GPR141: variants seen among roughly 807,000 people sequenced by gnomAD.
GPR141 encodes the protein G protein-coupled receptor 141.
In GPR141, 6 loss-of-function variants were observed where a neutral mutation model predicts 6.8. That is an observed-to-expected ratio of 0.88 (90% CI 0.48 to 1.74). The LOEUF is 1.74. Among genes scored for constraint, GPR141 ranks in the 40% most tolerant of loss-of-function variants. The pLI is 0.01. For missense variants in GPR141, 372 were observed against 372.9 expected (o/e 1.00, Z 0.02); for synonymous variants, 140 against 142.3 (o/e 0.98, Z 0.11).
chr7:37,692,122 T>G (rs1162119465), intron 2 of GPR141, among the ~76,000 whole-genome samples: 4 of 152,132 alleles, frequency 2.6e-5, no homozygotes. Flanking sequence ...TATTAGGTAT[T>G]TCTCCTAACG....
chr7:37,740,738 C>A lies in GPR141; in HGVS notation c.345C>A (p.Leu115=), dbSNP rs368741287. ...TGGTGATCCTGGTCACCAGATACCTCATCTTCTTCAAGTGCAAAGACAAAG... is the reference window on the plus strand; with the variant it reads ...TGGTGATCCTGGTCACCAGATACCTAATCTTCTTCAAGTGCAAAGACAAAG... ...FYVVILVTRY[L]IFFKCKDKVE... Residue 115 remains leucine (L), a synonymous_variant, in exon 3 of 3, where the codon CTC becomes CTA. Transcript: ENST00000334425. The A allele has an allele frequency of 2.7e-5, 44 of 1,613,966 alleles. No individual in the cohort carries two copies. Among genetic ancestry groups the A allele is most frequent in the Non-Finnish European group, 3.7e-5 (44 of 1,179,932 alleles).
intron 2 of GPR141, among the ~76,000 whole-genome samples, chr7:37,689,253 G>A (rs896067171): frequency 2.0e-5 from 3 of 152,034 alleles, no homozygotes; most frequent in Non-Finnish European, 4.4e-5. Flanking sequence ...TTTGGTCATG[G>A]TGAATAATCT....
At chr7:37,698,403 C>A (rs1160138929) in intron 2 of GPR141, among the ~76,000 whole-genome samples, 1 of 152,130 alleles carries the variant, frequency 6.6e-6, no homozygotes, top group Admixed American at 6.5e-5. Flanking sequence ...TTCCATCAGT[C>A]AACGATTTTC....
chr7:37,741,245 C>T lies in GPR141; in HGVS notation c.852C>T (p.Val284=), dbSNP rs751289202. The T allele has an allele frequency of 3.1e-6, 5 of 1,611,494 alleles. No homozygotes were observed. The African/African-American group carries it at 4.0e-5, about 13-fold the overall frequency. Reference sequence around the variant, plus strand: ...GCTGCTATGATTTGCTTCTCTTTGTCTTTGGGGGAAGCCATTGGTTTAAGC... The same window carrying T: ...GCTGCTATGATTTGCTTCTCTTTGTTTTTGGGGGAAGCCATTGGTTTAAGC... The part of the protein sequence containing the change: ...AISCYDLLLF[V]FGGSHWFKQK... The change falls in exon 3 of 3, where the codon GTC becomes GTT. Residue 284 remains valine (V), a synonymous_variant. Transcript: ENST00000334425.
At chr7:37,702,834 T>TA (rs199997620) in intron 2 of GPR141, among the ~76,000 whole-genome samples, 40 of 138,232 alleles carry the variant, frequency 2.9e-4, no homozygotes, top group Admixed American at 7.1e-4. Flanking sequence ...AAATAAAAAT[T>TA]AAAAAAAAAA....
intron 2 of GPR141, among the ~76,000 whole-genome samples, chr7:37,734,201 AATT>A (rs773465716): frequency 1.2e-4 from 19 of 152,276 alleles, no homozygotes; most frequent in East Asian, 3.9e-4. Context: ...AATCAATATT[AATT>A]ATTATGTTGT....
chr7:37,698,457 T>G (rs1285600534), intron 2 of GPR141, among the ~76,000 whole-genome samples: 2 of 152,134 alleles, frequency 1.3e-5, no homozygotes, highest in Non-Finnish European at 2.9e-5. Flanking sequence ...TATGACTCAT[T>G]GCGGGGAGGG....
At chr7:37,713,923 A>C (rs1178895373) in intron 2 of GPR141, among the ~76,000 whole-genome samples, 1 of 152,238 alleles carries the variant, frequency 6.6e-6, no homozygotes, top group Non-Finnish European at 1.5e-5. Flanking sequence ...AACAAAACTG[A>C]ACTCAGGAAG....
intron 2 of GPR141, among the ~76,000 whole-genome samples, chr7:37,701,824 A>G (rs1350106699): frequency 6.6e-6 from 1 of 152,234 alleles, no homozygotes; most frequent in Non-Finnish European, 1.5e-5. Flanking sequence ...GAAAATGCAA[A>G]TAAATCTAGG....
At chr7:37,710,657 AT>A (rs1187645511) in intron 2 of GPR141, among the ~76,000 whole-genome samples, 4 of 152,202 alleles carry the variant, frequency 2.6e-5, no homozygotes, top group African/African-American at 9.6e-5. Context: ...ATAAGTATAA[AT>A]AAATGGTACT....
intron 2 of GPR141, among the ~76,000 whole-genome samples, chr7:37,727,194 C>A (rs1295722095): frequency 6.6e-6 from 1 of 152,082 alleles, no homozygotes; most frequent in Non-Finnish European, 1.5e-5. Flanking sequence ...CTGGGTGGGA[C>A]CTTTCAACAT....
chr7:37,713,620 A>G (rs1035323515), intron 2 of GPR141: 1 of 152,180 alleles, frequency 6.6e-6, no homozygotes, highest in African/African-American at 2.4e-5. Context: ...TCTGCCTTGA[A>G]TGGTATTACT....
chr7:37,725,010 G>T (rs1203640679), intron 2 of GPR141, among the ~76,000 whole-genome samples: 1 of 152,048 alleles, frequency 6.6e-6, no homozygotes, highest in African/African-American at 2.4e-5. Flanking sequence ...TGTGGGCCTC[G>T]GTGTCTTCCT....
At chr7:37,706,939 C>T (rs949048479) in intron 2 of GPR141, among the ~76,000 whole-genome samples, 4 of 152,148 alleles carry the variant, frequency 2.6e-5, no homozygotes, top group Non-Finnish European at 4.4e-5. Context: ...CTTCTCTCTC[C>T]TGAGAGCAAC....
At chr7:37,715,537 C>T (rs956833811) in intron 2 of GPR141, among the ~76,000 whole-genome samples, 1 of 152,126 alleles carries the variant, frequency 6.6e-6, no homozygotes, top group African/African-American at 2.4e-5. Flanking sequence ...TCCAGTCTTA[C>T]GCTGGGTGCT....
intron 2 of GPR141, among the ~76,000 whole-genome samples, chr7:37,736,615 A>G (rs1171104638): frequency 2.0e-5 from 3 of 152,178 alleles, no homozygotes; most frequent in Non-Finnish European, 2.9e-5. Context: ...TGAAGTCTCA[A>G]TGATGAAAGG....
At chr7:37,685,928 T>C (rs973922513) in intron 2 of GPR141, among the ~76,000 whole-genome samples, 9 of 152,232 alleles carry the variant, frequency 5.9e-5, no homozygotes, top group African/African-American at 2.2e-4. Context: ...GGTAAGCCAT[T>C]GTGCTAGCAC....
chr7:37,727,952 T>C (rs1312603539), intron 2 of GPR141, among the ~76,000 whole-genome samples: 1 of 152,182 alleles, frequency 6.6e-6, no homozygotes, highest in African/African-American at 2.4e-5. Flanking sequence ...TCACCCACGT[T>C]CTCCTAATAT....
intron 2 of GPR141, among the ~76,000 whole-genome samples, chr7:37,705,418 A>C (rs1271240585): frequency 6.6e-6 from 1 of 152,234 alleles, no homozygotes; most frequent in East Asian, 1.9e-4. Context: ...TTATTTCTAT[A>C]ACCTCAGTAG....
Sources: gnomAD v4.1 joint callset for allele counts (sites outside exome capture counted in the v4.1 genomes callset) on GRCh38, gnomAD v4.1.1 for gene constraint, MANE v1.5 for transcripts, NCBI Gene and HGNC (gene_info 2026-07-23, HGNC 2026-07-21) for gene names.